The following CIB1 variants were observed in gnomAD, a reference collection of about 807,000 sequenced individuals.
The protein encoded by CIB1 is calcium and integrin binding 1, also known as calcium and integrin-binding protein 1.
Under a neutral mutation model 25.0 loss-of-function variants are expected in CIB1, and 19 were observed. That is an observed-to-expected ratio of 0.76 (90% CI 0.53 to 1.12). CIB1 has a LOEUF of 1.12. CIB1 is among the 50% of genes most tolerant of loss of function. The probability of loss-of-function intolerance (pLI) is 0.00; values close to 1 mark genes in which losing one functional copy is unlikely to be tolerated. For synonymous variants in CIB1, 104 were observed against 98.5 expected (o/e 1.06, Z -0.33); for missense variants, 236 against 242.6 (o/e 0.97, Z 0.18).
At chr15:90,257,303 C>T in the CIB1 span, 1 of 1,596,288 alleles carries the variant, frequency 6.3e-7, no homozygotes, top group East Asian at 2.2e-5. Flanking sequence ...GGGAAGCACT[C>T]TTCTTTTCCA....
the CIB1 span, among the ~76,000 whole-genome samples, chr15:90,240,424 C>G: frequency 6.6e-6 from 1 of 152,024 alleles, no homozygotes; most frequent in Non-Finnish European, 1.5e-5. Flanking sequence ...ATGAGAATCA[C>G]TTGAACCCAG....
At chr15:90,249,712 G>A in the CIB1 span, 1 of 152,252 alleles carries the variant, frequency 6.6e-6, no homozygotes, top group East Asian at 1.9e-4. Context: ...GGGAGACCTG[G>A]AGCCGGGGGA....
At chr15:90,255,052 G>A in the CIB1 span, among the ~76,000 whole-genome samples, 2 of 152,206 alleles carry the variant, frequency 1.3e-5, no homozygotes, top group Admixed American at 6.5e-5. Context: ...CCAGTGATGG[G>A]GAAACCCAGT....
At chr15:90,250,830 C>T in the CIB1 span, 17 of 1,614,050 alleles carry the variant, frequency 1.1e-5, no homozygotes, top group African/African-American at 1.5e-4. Flanking sequence ...AAAGTCATAG[C>T]CCCAGTTGAC....
chr15:90,232,362 C>A lies in CIB1; in HGVS notation c.87-35G>T, dbSNP rs759890736. The A allele has an allele frequency of 7.6e-6, 12 of 1,573,950 alleles. No individual in the cohort carries two copies. Among genetic ancestry groups the A allele is most frequent in the Admixed American group, 1.8e-5 (1 of 56,354 alleles). ...AGAGGGGAACTGTCGGTGTTCTCAG[C>A]GATCGGTCTCCCTGTGTGTTCATTC... On this transcript the variant is annotated intron_variant, in intron 2 of 6. Transcript: ENST00000328649.
At chr15:90,232,813 G>A (rs2151635970) in intron 2 of CIB1, among the ~76,000 whole-genome samples, 1 of 40,244 alleles carries the variant, frequency 2.5e-5, no homozygotes, top group African/African-American at 7.1e-5. Context: ...GGCTGAGGCA[G>A]GAGAATCACT....
the CIB1 span, among the ~76,000 whole-genome samples, chr15:90,251,114 C>CTTTTTT: frequency 2.9e-5 from 3 of 104,666 alleles, no homozygotes; most frequent in Non-Finnish European, 5.5e-5. Context: ...CCTGGTCTGT[C>CTTTTTT]TTTTTTTTTT....
the CIB1 span, among the ~76,000 whole-genome samples, chr15:90,251,189 C>T: frequency 2.8e-5 from 4 of 141,792 alleles, no homozygotes; most frequent in Non-Finnish European, 4.5e-5. Context: ...TCTCGGCTCA[C>T]GGCAAGCTCC....
chr15:90,247,298 C>CTT, the CIB1 span, among the ~76,000 whole-genome samples: 20 of 134,296 alleles, frequency 1.5e-4, no homozygotes, highest in African/African-American at 3.4e-4. Context: ...TTTCTTTTTT[C>CTT]TTTTTTTTTT....
the CIB1 span, chr15:90,245,510 A>T: frequency 1.3e-5 from 2 of 151,140 alleles, no homozygotes; most frequent in Non-Finnish European, 2.9e-5. Context: ...TTACCATTCT[A>T]TCAGAAAATG....
chr15:90,264,954 A>G, the CIB1 span: 9 of 1,535,892 alleles, frequency 5.9e-6, no homozygotes, highest in East Asian at 2.4e-5. Flanking sequence ...CTCAACATCA[A>G]TCAGTTCAGG....
the CIB1 span, chr15:90,241,725 G>T: frequency 6.2e-7 from 1 of 1,614,238 alleles, no homozygotes; most frequent in Non-Finnish European, 8.5e-7. Flanking sequence ...GATAAGCAGG[G>T]TATGTCGGGC....
chr15:90,261,932 C>T, the CIB1 span: 1 of 1,264,472 alleles, frequency 7.9e-7, no homozygotes, highest in Admixed American at 2.8e-5. Context: ...GTCTCCAAAC[C>T]TTAGTCAGTC....
At chr15:90,234,234 C>G, upstream of CIB1, 1 of 249,566 alleles carries the variant, frequency 4.0e-6, no homozygotes, top group Non-Finnish European at 7.6e-6. Flanking sequence ...GTCATGACCT[C>G]GCTGTGGCCC....
the CIB1 span, among the ~76,000 whole-genome samples, chr15:90,239,112 A>G: frequency 1.9e-3 from 284 of 152,328 alleles, 1 homozygote; most frequent in African/African-American, 6.5e-3. Context: ...CAACCTATAT[A>G]AACAGTTGAA....
the CIB1 span, among the ~76,000 whole-genome samples, chr15:90,247,811 C>T: frequency 6.6e-6 from 1 of 151,468 alleles, no homozygotes; most frequent in Admixed American, 6.6e-5. Flanking sequence ...TCTCCGTTCA[C>T]TGCAAGCTCC....
At position 90,233,560 on chromosome 15, in the gene CIB1, G is replaced by C; in HGVS notation, c.86+109C>G. ...CTAGGTCTCCCGGCCTCCAGCTCCC[G>C]CTCCTCTGCAGACCTCAGGCCAGCC... On this transcript the variant is annotated intron_variant, in intron 2 of 6. Coordinates refer to ENST00000328649, the MANE Select transcript of CIB1 (RefSeq NM_006384.4). The C allele has an allele frequency of 2.9e-6, 4 of 1,369,674 alleles. No individual in the cohort carries two copies. In the South Asian group the frequency reaches 3.7e-5, roughly 13 times the overall value. The allele number at this position is 1,369,674 out of a possible 1,614,324, so 84.8% of individuals were successfully genotyped here. A position where few individuals can be genotyped will look rare whatever the true frequency, so the allele number is the denominator to read the frequency against.
At chr15:90,242,215 G>T in the CIB1 span, 3 of 463,442 alleles carry the variant, frequency 6.5e-6, no homozygotes, top group East Asian at 4.5e-5. Flanking sequence ...AGCCTCTTGA[G>T]TAGCTGAGAC....
At chr15:90,262,712 G>C in the CIB1 span, 5 of 1,439,338 alleles carry the variant, frequency 3.5e-6, no homozygotes, top group African/African-American at 1.4e-5. Context: ...CAGGAAAATG[G>C]GTTGGGACAA....
Sources: gnomAD v4.1 joint callset for allele counts (sites outside exome capture counted in the v4.1 genomes callset) on GRCh38, gnomAD v4.1.1 for gene constraint, MANE v1.5 for transcripts, NCBI Gene and HGNC (gene_info 2026-07-23, HGNC 2026-07-21) for gene names.